The following KDM4C variants were observed in gnomAD, a reference collection of about 807,000 sequenced individuals.
KDM4C encodes the protein lysine demethylase 4C.
In KDM4C, 81 loss-of-function variants were observed where a neutral mutation model predicts 129.3. The ratio of observed to expected loss-of-function variants is 0.63; its 90% confidence interval spans 0.52 to 0.75. KDM4C has a LOEUF of 0.75. Ranked by LOEUF, KDM4C falls within the 30% of genes least tolerant of loss-of-function variation. The pLI, the probability that KDM4C is intolerant of heterozygous loss-of-function variation, is 0.00. For missense variants in KDM4C, 1,457 were observed against 1,304.0 expected, an observed-to-expected ratio of 1.12 and a Z score of -1.81; for synonymous variants, 573 against 456.1, an observed-to-expected ratio of 1.26 and a Z score of -3.26.
At chr9:6,787,669 C>T (rs970083289) in intron 1 of KDM4C, among the ~76,000 whole-genome samples, 5 of 152,318 alleles carry the variant, frequency 3.3e-5, no homozygotes, top group East Asian at 1.9e-4. Context: ...TCCAAGCTGC[C>T]GTCTTAACTT....
At chr9:6,852,899 G>C (rs1218236525) in intron 5 of KDM4C, among the ~76,000 whole-genome samples, 1 of 152,014 alleles carries the variant, frequency 6.6e-6, no homozygotes, top group Non-Finnish European at 1.5e-5. Context: ...TTTAGACATT[G>C]TTTTGGCATC....
intron 1 of KDM4C, chr9:6,726,921 G>T: frequency 6.6e-6 from 1 of 152,162 alleles, no homozygotes; most frequent in Non-Finnish European, 1.5e-5. Context: ...TTTTAGTAGA[G>T]ATAGGATTTC....
intron 1 of KDM4C, among the ~76,000 whole-genome samples, chr9:6,764,936 A>C: frequency 6.6e-6 from 1 of 152,184 alleles, no homozygotes; most frequent in Admixed American, 6.5e-5. Flanking sequence ...CACTCATTTC[A>C]TTATGAGTTA....
chr9:7,086,038 G>A (rs1169694998), intron 17 of KDM4C, among the ~76,000 whole-genome samples: 4 of 152,034 alleles, frequency 2.6e-5, no homozygotes, highest in Non-Finnish European at 5.9e-5. Flanking sequence ...TGCGCCTGTA[G>A]TCCCAGCTAC....
At chr9:6,771,126 C>G (rs552045321) in intron 1 of KDM4C, among the ~76,000 whole-genome samples, 1 of 116,372 alleles carries the variant, frequency 8.6e-6, no homozygotes, top group Admixed American at 1.1e-4. Context: ...TGAGGTCTCT[C>G]CAAGTTGCCC....
chr9:7,128,309 A>G, intron 19 of KDM4C, 73 bp downstream of exon 19: 1 of 1,277,196 alleles, frequency 7.8e-7, no homozygotes, highest in Admixed American at 3.0e-5. Flanking sequence ...TGAGCCCTTC[A>G]GAATTTTTCT....
intron 11 of KDM4C, among the ~76,000 whole-genome samples, chr9:6,988,423 G>C (rs931249128): frequency 6.6e-6 from 1 of 152,022 alleles, no homozygotes; most frequent in African/African-American, 2.4e-5. Flanking sequence ...TGACAGTAGA[G>C]AAACCAACAT....
At chr9:6,818,609 C>T (rs866627819) in intron 4 of KDM4C, among the ~76,000 whole-genome samples, 1 of 152,126 alleles carries the variant, frequency 6.6e-6, no homozygotes, top group African/African-American at 2.4e-5. Context: ...TTGTGTGGGT[C>T]CCGTATCTTT....
chr9:6,851,589 A>G (rs1838857832), intron 5 of KDM4C, among the ~76,000 whole-genome samples: 1 of 152,312 alleles, frequency 6.6e-6, no homozygotes. Flanking sequence ...TTGCTTAAGA[A>G]ATCTGAAAAG....
chr9:7,035,843 T>C lies in KDM4C; in HGVS notation c.2260-11019T>C, dbSNP rs187461862. Reference sequence around the variant, plus strand: ...CTCTCTATTCTGTTCCCTTGATGTATGTGTCTGTTTTTATGCCAGTTCCAT... The same window carrying C: ...CTCTCTATTCTGTTCCCTTGATGTACGTGTCTGTTTTTATGCCAGTTCCAT... On this transcript the variant is annotated intron_variant, in intron 15 of 21. Coordinates refer to ENST00000381309, the MANE Select transcript of KDM4C (RefSeq NM_015061.6). Among the ~76,000 whole-genome samples the C allele has an allele frequency of 4.6e-5, 7 of 152,300 alleles. No homozygotes were observed. In the East Asian group the frequency reaches 1.4e-3, roughly 29 times the overall value.
intron 5 of KDM4C, among the ~76,000 whole-genome samples, chr9:6,871,365 C>G (rs772130932): frequency 2.6e-5 from 4 of 152,048 alleles, no homozygotes; most frequent in African/African-American, 9.7e-5. Context: ...AGTAAATCAC[C>G]TGAAGATATG....
chr9:6,954,947 C>G (rs1216288022), intron 8 of KDM4C, among the ~76,000 whole-genome samples: 3 of 152,198 alleles, frequency 2.0e-5, no homozygotes, highest in Non-Finnish European at 4.4e-5. Context: ...TTGCTTCAGT[C>G]TCTAGTACTG....
chr9:6,862,917 T>A (rs1841224728), intron 5 of KDM4C, among the ~76,000 whole-genome samples: 1 of 152,194 alleles, frequency 6.6e-6, no homozygotes, highest in Non-Finnish European at 1.5e-5. Context: ...GTGGTGGAAC[T>A]TTATAAGCCA....
At chr9:7,032,955 A>G (rs1827028535) in intron 15 of KDM4C, among the ~76,000 whole-genome samples, 1 of 152,104 alleles carries the variant, frequency 6.6e-6, no homozygotes, top group African/African-American at 2.4e-5. Flanking sequence ...TGCCTAGAGG[A>G]CCTTTCCCAG....
intron 4 of KDM4C, among the ~76,000 whole-genome samples, chr9:6,839,437 A>G (rs934705011): frequency 8.3e-6 from 1 of 120,838 alleles, no homozygotes; most frequent in African/African-American, 3.3e-5. Context: ...ATAGGGTCCC[A>G]CTGTGTTACC....
At chr9:6,871,194 G>GA (rs1842777405) in intron 5 of KDM4C, among the ~76,000 whole-genome samples, 1 of 152,234 alleles carries the variant, frequency 6.6e-6, no homozygotes, top group African/African-American at 2.4e-5. Context: ...AAAGAAGTAC[G>GA]AAGAGGGCAG....
intron 1 of KDM4C, among the ~76,000 whole-genome samples, chr9:6,760,524 G>C (rs1401260772): frequency 6.7e-6 from 1 of 149,688 alleles, no homozygotes; most frequent in East Asian, 1.9e-4. Flanking sequence ...GGGATAGTTA[G>C]TCTTGGGTGA....
chr9:7,020,847 G>A (rs1824681974), intron 15 of KDM4C, among the ~76,000 whole-genome samples: 1 of 151,328 alleles, frequency 6.6e-6, no homozygotes, highest in Admixed American at 6.6e-5. Flanking sequence ...ACTTTAAAAT[G>A]TACAATTAAA....
chr9:6,993,752 G>A lies in KDM4C; in HGVS notation c.1786+3228G>A, dbSNP rs375086320. Among the ~76,000 whole-genome samples the A allele has an allele frequency of 7.9e-5, 12 of 152,168 alleles. No homozygotes were observed. In the East Asian group the frequency reaches 1.5e-3, roughly 20 times the overall value. ...AGGGCGGCCAGCTTAGAAATCTGCG[G>A]CAGTATTTCTTTCTTTCTTTGTTTT... is the stretch of plus-strand genomic sequence containing the variant. On this transcript the variant is annotated intron_variant, in intron 12 of 21. Coordinates refer to ENST00000381309, the MANE Select transcript of KDM4C (RefSeq NM_015061.6).
Sources: allele counts gnomAD v4.1 joint callset (sites outside exome capture counted in the v4.1 genomes callset), GRCh38; gene constraint gnomAD v4.1.1; transcripts MANE v1.5; gene names NCBI Gene and HGNC (gene_info 2026-07-23, HGNC 2026-07-21).